ADAMDEC1: variants seen among roughly 807,000 people sequenced by gnomAD.
ADAMDEC1 encodes ADAM DEC1.
Under a neutral mutation model 60.4 loss-of-function variants are expected in ADAMDEC1, and 62 were observed. The ratio of observed to expected loss-of-function variants is 1.03; its 90% CI spans 0.84 to 1.27. The LOEUF (loss-of-function observed/expected upper bound fraction) is 1.27, where lower values mean the gene tolerates loss of function less well. Ranked by LOEUF, ADAMDEC1 falls within the 50% of genes most tolerant of loss-of-function variation. The pLI is 0.00. For missense variants in ADAMDEC1, 595 were observed against 565.0 expected (o/e 1.05, Z -0.54); for synonymous variants, 210 against 195.1 (o/e 1.08, Z -0.64).
chr8:24,386,841 T>C (rs1817306138), intron 1 of ADAMDEC1, among the ~76,000 whole-genome samples: 2 of 152,216 alleles, frequency 1.3e-5, no homozygotes, highest in African/African-American at 4.8e-5. Context: ...AAGTGAGTAC[T>C]CAGACACAGG....
chr8:24,384,626 G>C, intron 1 of ADAMDEC1, 34 bp downstream of exon 1: 1 of 1,561,790 alleles, frequency 6.4e-7, no homozygotes, highest in Non-Finnish European at 8.7e-7. Flanking sequence ...TTACATAAAA[G>C]TCAAATTATT....
intron 4 of ADAMDEC1, among the ~76,000 whole-genome samples, chr8:24,394,922 G>A (rs1817567103): frequency 6.6e-6 from 1 of 152,194 alleles, no homozygotes; most frequent in Non-Finnish European, 1.5e-5. Context: ...AGTCTTCTAT[G>A]AGAAAATGTT....
intron 1 of ADAMDEC1, among the ~76,000 whole-genome samples, chr8:24,385,064 G>T (rs11992153): frequency 1.7e-4 from 26 of 152,052 alleles, no homozygotes; most frequent in African/African-American, 5.8e-4. Context: ...TTCTGGAAAA[G>T]GAACCCTTTT....
At chr8:24,385,189 T>A (rs892729952) in intron 1 of ADAMDEC1, among the ~76,000 whole-genome samples, 1 of 152,182 alleles carries the variant, frequency 6.6e-6, no homozygotes, top group Non-Finnish European at 1.5e-5. Context: ...GATCACATAA[T>A]AAGCATGTTA....
intron 11 of ADAMDEC1, 47 bp from the exon 12 acceptor site, chr8:24,401,868 G>A (rs1428838722): frequency 7.9e-6 from 11 of 1,387,406 alleles, no homozygotes; most frequent in Non-Finnish European, 1.1e-5. Context: ...TCACGCAGAA[G>A]GCACCACACT....
Position 24,398,522 on chromosome 8 carries a change from G to C in ADAMDEC1, c.733G>C (p.Val245Leu), listed in dbSNP as rs200386440. The C allele has an allele frequency of 1.2e-6, 2 of 1,601,686 alleles. No individual in the cohort carries two copies. Among genetic ancestry groups the C allele is most frequent in the African/African-American group, 2.7e-5 (2 of 74,472 alleles). Residue 245 changes from valine to leucine, a missense_variant, in exon 8 of 14, where the codon GTG (valine) becomes CTG (leucine). Val to Leu is a conservative substitution (Grantham distance 32). Coordinates refer to ENST00000256412, the MANE Select transcript of ADAMDEC1 (RefSeq NM_014479.3). ...NENLTLIRSFVFDVMNLLNVI... is the reference protein window; with the variant it reads ...NENLTLIRSFLFDVMNLLNVI... ...GAATCTAACTCTGATAAGAAGCTTT[G>C]TGTTTGATGTGATGAACCTACTCAA...
Position 24,397,652 on chromosome 8 carries a change from G to A in ADAMDEC1, c.628-31G>A. The A allele has an allele frequency of 2.5e-6, 4 of 1,589,700 alleles. No individual in the cohort carries two copies. The Admixed American group carries it at 5.1e-5, about 20-fold the overall frequency. On this transcript the variant is annotated intron_variant, in intron 6 of 13. Coordinates refer to ENST00000256412, the MANE Select transcript of ADAMDEC1 (RefSeq NM_014479.3). ...TGGAATCTTTTAGGATAAAGATAATGATTAACAATGTTCTTTTATTCTTTG... is the reference window on the plus strand; with the variant it reads ...TGGAATCTTTTAGGATAAAGATAATAATTAACAATGTTCTTTTATTCTTTG...
At chr8:24,390,614 G>A (rs1403186173) in intron 1 of ADAMDEC1, among the ~76,000 whole-genome samples, 1 of 152,138 alleles carries the variant, frequency 6.6e-6, no homozygotes, top group East Asian at 1.9e-4. Flanking sequence ...CAGCTACTCA[G>A]GAGGTTGAGG....
intron 7 of ADAMDEC1, 117 bp from the exon 8 acceptor site, chr8:24,398,363 A>G: frequency 1.6e-6 from 1 of 640,332 alleles, no homozygotes; most frequent in Non-Finnish European, 2.7e-6. Context: ...TATGGAATGA[A>G]TAGATGTTAA....
In ADAMDEC1 at chr8:24,397,706, G is replaced by A; in HGVS notation, c.651G>A (p.Gln217=). The change falls in exon 7 of 14, where the codon CAG becomes CAA. Residue 217 remains glutamine (Q), a synonymous_variant. Transcript: ENST00000256412. ...SPEKEDFLRA[Q]KYIDLYLVLD... is the part of the protein sequence containing the mutation. ...AGAAAGAAGACTTTCTTCGGGCACAGAAATACATTGATCTCTATTTGGTGC... is the reference window on the plus strand; with the variant it reads ...AGAAAGAAGACTTTCTTCGGGCACAAAAATACATTGATCTCTATTTGGTGC... 1 of 1,613,528 alleles carries A rather than the reference G, an allele frequency of 6.2e-7. No individual in the cohort carries two copies. The highest frequency in any genetic ancestry group is 8.5e-7 in the Non-Finnish European group (1 of 1,179,700).
intron 1 of ADAMDEC1, 130 bp from the exon 2 acceptor site, chr8:24,392,132 T>C (rs959469805): frequency 9.3e-6 from 5 of 540,448 alleles, no homozygotes; most frequent in African/African-American, 2.0e-5. Flanking sequence ...TTATTCATAA[T>C]GTTTGCTCTC....
chr8:24,405,451 A>G lies in ADAMDEC1; in HGVS notation c.*153A>G. 1 of 725,292 alleles carries G rather than the reference A, an allele frequency of 1.4e-6. No homozygotes were observed. The highest frequency in any genetic ancestry group is 2.2e-6 in the Non-Finnish European group (1 of 451,482). 44.9% of individuals were successfully genotyped at this position (725,292 alleles called of 1,614,324 possible). A position where few individuals can be genotyped will look rare whatever the true frequency, so the allele number is the denominator to read the frequency against. ...TTATCAGTCCAGGAAACAGGTAAAC[A>G]GATGTAATTAGAGACATTGGCTCTT... is the stretch of plus-strand genomic sequence containing the variant. On this transcript the variant is annotated 3_prime_UTR_variant, in exon 14 of 14. Coordinates refer to ENST00000256412, the MANE Select transcript of ADAMDEC1 (RefSeq NM_014479.3).
At chr8:24,390,169 A>G (rs1345042547) in intron 1 of ADAMDEC1, 1 of 1,054,196 alleles carries the variant, frequency 9.5e-7, no homozygotes, top group African/African-American at 1.6e-5. Flanking sequence ...TTCAATAAAT[A>G]TTTGTGAAAT....
At chr8:24,398,605 G>T in intron 8 of ADAMDEC1, 54 bp downstream of exon 8, 1 of 1,297,412 alleles carries the variant, frequency 7.7e-7, no homozygotes, top group Non-Finnish European at 1.1e-6. Flanking sequence ...GTTCTGCCTG[G>T]AACTTCCCTA....
intron 5 of ADAMDEC1, among the ~76,000 whole-genome samples, chr8:24,396,626 G>A (rs1444632474): frequency 2.6e-5 from 4 of 151,730 alleles, no homozygotes; most frequent in African/African-American, 9.7e-5. Context: ...ATAGACAAAT[G>A]TATCTTTCAC....
intron 13 of ADAMDEC1, among the ~76,000 whole-genome samples, chr8:24,404,587 A>G (rs1217203669): frequency 1.3e-5 from 2 of 152,188 alleles, no homozygotes; most frequent in Non-Finnish European, 2.9e-5. Flanking sequence ...ATACAATCCT[A>G]TGTGAGCTGG....
Position 24,397,357 on chromosome 8 carries a change from C to G in ADAMDEC1, c.528C>G (p.Asn176Lys), listed in dbSNP as rs1373396410. 6.2e-7 allele frequency: 1 copy of G among 1,614,042 alleles called. No individual in the cohort carries two copies. ...DEKEHAVFTS[N>K]QEEQDPANHT... ...AAGAACATGCCGTCTTTACATCTAACCAGGAGGAACAAGACCCAGCTAACC... is the reference window on the plus strand; with the variant it reads ...AAGAACATGCCGTCTTTACATCTAAGCAGGAGGAACAAGACCCAGCTAACC... The change falls in exon 6 of 14, where the codon AAC (asparagine) becomes AAG (lysine). Residue 176 changes from asparagine to lysine, a missense_variant. Coordinates refer to ENST00000256412, the MANE Select transcript of ADAMDEC1 (RefSeq NM_014479.3).
chr8:24,385,277 C>T (rs1432338614), intron 1 of ADAMDEC1, among the ~76,000 whole-genome samples: 1 of 152,108 alleles, frequency 6.6e-6, no homozygotes, highest in Non-Finnish European at 1.5e-5. Flanking sequence ...AGGTAAAGTA[C>T]ATAGCTGAGG....
chr8:24,384,358 T>C lies in ADAMDEC1; in HGVS notation c.-147T>C. 1.6e-6 allele frequency: 1 copy of C among 622,326 alleles called. No homozygotes were observed. The highest frequency in any genetic ancestry group is 2.7e-6 in the Non-Finnish European group (1 of 363,710). 38.6% of individuals were successfully genotyped at this position (622,326 alleles called of 1,614,324 possible). ...AAGATGAGGAACATTCTCATGATGTTGACACTGCAATTTTTTGACAATTTC... is the reference window on the plus strand; with the variant it reads ...AAGATGAGGAACATTCTCATGATGTCGACACTGCAATTTTTTGACAATTTC... On this transcript the variant is annotated 5_prime_UTR_variant, in exon 1 of 14. Transcript: ENST00000256412.
Sources: gnomAD v4.1 joint callset for allele counts (sites outside exome capture counted in the v4.1 genomes callset) on GRCh38, gnomAD v4.1.1 for gene constraint, MANE v1.5 for transcripts, NCBI Gene and HGNC (gene_info 2026-07-23, HGNC 2026-07-21) for gene names.